The following RBFOX1 variants were observed in gnomAD, a reference collection of about 807,000 sequenced individuals.
RBFOX1 encodes the protein RNA binding protein fox-1 homolog 1.
RBFOX1 carries 8 observed loss-of-function variants against 57.7 expected under a neutral mutation model. That is an observed-to-expected ratio of 0.14 (90% confidence interval 0.08 to 0.25). The LOEUF is 0.25. Ranked by LOEUF, RBFOX1 falls within the 10% of genes least tolerant of loss-of-function variation. The probability of loss-of-function intolerance (pLI) is 1.00; values close to 1 mark genes in which losing one functional copy is unlikely to be tolerated. For synonymous variants in RBFOX1, 326 were observed against 222.4 expected (o/e 1.47, Z -4.15); for missense variants, 611 against 548.5 (o/e 1.11, Z -1.14).
chr16:5,830,646 A>G (rs1597413051), intron 3 of RBFOX1, among the ~76,000 whole-genome samples: 1 of 152,196 alleles, frequency 6.6e-6, no homozygotes, highest in Admixed American at 6.5e-5. Flanking sequence ...TGCAGCAGCT[A>G]GGATGATCTT....
At chr16:7,094,624 T>C in intron 4 of RBFOX1, among the ~76,000 whole-genome samples, 1 of 96,878 alleles carries the variant, frequency 1.0e-5, no homozygotes, top group South Asian at 4.5e-4. Context: ...GCATTTCTTT[T>C]GAAGTTTTTT....
intron 3 of RBFOX1, among the ~76,000 whole-genome samples, chr16:6,887,137 A>G (rs925448913): frequency 9.9e-5 from 15 of 152,088 alleles, no homozygotes; most frequent in Admixed American, 2.6e-4. Context: ...TTACATTGTT[A>G]TTGTTGACTC....
At chr16:7,021,419 T>C (rs1402358251) in intron 3 of RBFOX1, among the ~76,000 whole-genome samples, 1 of 146,244 alleles carries the variant, frequency 6.8e-6, no homozygotes, top group Non-Finnish European at 1.5e-5. Context: ...GTATGTTTTT[T>C]ATATATTTGT....
intron 3 of RBFOX1, among the ~76,000 whole-genome samples, chr16:6,807,984 T>G (rs1325273042): frequency 6.7e-6 from 1 of 150,226 alleles, no homozygotes; most frequent in African/African-American, 2.4e-5. Context: ...TTGTACCCTG[T>G]ATATATATAT....
At chr16:6,391,754 A>T (rs2092613212) in intron 2 of RBFOX1, among the ~76,000 whole-genome samples, 1 of 152,108 alleles carries the variant, frequency 6.6e-6, no homozygotes, top group Non-Finnish European at 1.5e-5. Context: ...GGGCAGGGAG[A>T]GAAGGAGAAG....
Position 7,407,753 on chromosome 16 carries a change from C to T in RBFOX1, c.28-110394C>T, listed in dbSNP as rs1429815582. 3.9e-5 allele frequency among the ~76,000 whole-genome samples: 6 copies of T among 152,182 alleles called. No individual in the cohort carries two copies. In the South Asian group the frequency reaches 6.2e-4, roughly 16 times the overall value. The stretch of plus-strand genomic sequence containing the variant: ...GAGACTGTGCAAGTCTTCACAGTGC[C>T]TTCTGTATCTTCATAGATTCAGTCT... On this transcript the variant is annotated intron_variant, in intron 4 of 15. Transcript: ENST00000550418.
chr16:7,040,287 G>T (rs61177865), intron 3 of RBFOX1, among the ~76,000 whole-genome samples: 7,731 of 152,138 alleles, frequency 0.051, 664 homozygotes, highest in African/African-American at 0.18. Flanking sequence ...CCAAAGTGCT[G>T]GGATTGCAGG....
At position 7,269,043 on chromosome 16, in the gene RBFOX1, C is replaced by CAAA. The variant is rs56297510; in HGVS notation, c.27+216970_27+216972dup. On this transcript the variant is annotated intron_variant, in intron 4 of 15. Transcript: ENST00000550418. ...CAGAGTGAGACTCCATCTTCCATCTCAAAAAAAAAAAAAAAAAAAAAAAAA... is the reference window on the plus strand; with the variant it reads ...CAGAGTGAGACTCCATCTTCCATCTCAAAAAAAAAAAAAAAAAAAAAAAAAAAA... 7.1e-4 allele frequency among the ~76,000 whole-genome samples: 37 copies of CAAA among 52,302 alleles called. 2 individuals are homozygous for CAAA. Among genetic ancestry groups the CAAA allele is most frequent in the Non-Finnish European group, 9.3e-4 (26 of 28,048 alleles). The allele number at this position is 52,302 out of a possible 152,430, so 34.3% of individuals were successfully genotyped here. A position where few individuals can be genotyped will look rare whatever the true frequency, so the allele number is the denominator to read the frequency against.
chr16:5,390,819 G>T (rs1399154924), intron 1 of RBFOX1, among the ~76,000 whole-genome samples: 1 of 152,170 alleles, frequency 6.6e-6, no homozygotes, highest in Non-Finnish European at 1.5e-5. Context: ...GGGCTTGAAG[G>T]ATAGTGCATG....
At chr16:7,641,975 T>A (rs36009031) in intron 11 of RBFOX1, among the ~76,000 whole-genome samples, 57,655 of 152,006 alleles carry the variant, frequency 0.38, 11,642 homozygotes, top group Middle Eastern at 0.47. Flanking sequence ...CCAAACCAGA[T>A]GTGATGGTGT....
chr16:5,339,150 A>G (rs532781545), intron 1 of RBFOX1, among the ~76,000 whole-genome samples: 1 of 152,250 alleles, frequency 6.6e-6, no homozygotes, highest in South Asian at 2.1e-4. Context: ...TTTGACCAAC[A>G]TCTCCCCAGT....
At chr16:6,715,253 A>G (rs1270093989) in intron 3 of RBFOX1, among the ~76,000 whole-genome samples, 2 of 97,844 alleles carry the variant, frequency 2.0e-5, no homozygotes, top group Non-Finnish European at 4.3e-5. Context: ...GCAATGCAGG[A>G]TAAAGTTTTA....
At chr16:5,825,876 C>T (rs2056026511) in intron 3 of RBFOX1, among the ~76,000 whole-genome samples, 2 of 107,092 alleles carry the variant, frequency 1.9e-5, no homozygotes. Flanking sequence ...GAATAATATT[C>T]CGTAATATGA....
chr16:6,082,937 C>T (rs534799405), intron 1 of RBFOX1, among the ~76,000 whole-genome samples: 1 of 152,286 alleles, frequency 6.6e-6, no homozygotes, highest in East Asian at 1.9e-4. Flanking sequence ...CCAATCACTG[C>T]TCTCAAGAGG....
At chr16:7,381,164 C>G (rs1254024564) in intron 4 of RBFOX1, among the ~76,000 whole-genome samples, 1 of 152,172 alleles carries the variant, frequency 6.6e-6, no homozygotes, top group East Asian at 1.9e-4. Context: ...TTGAACTTCT[C>G]CCACGTTAAA....
intron 3 of RBFOX1, among the ~76,000 whole-genome samples, chr16:6,795,778 GA>G (rs113767362): frequency 0.15 from 20,468 of 134,372 alleles, 1,573 homozygotes; most frequent in Admixed American, 0.24. Context: ...AATAAAAAAT[GA>G]AAAAAAAAAA....
chr16:6,114,465 A>G (rs949256336), intron 1 of RBFOX1, among the ~76,000 whole-genome samples: 5 of 152,208 alleles, frequency 3.3e-5, no homozygotes, highest in Admixed American at 1.3e-4. Flanking sequence ...CATTACTTAC[A>G]GTATAAAAAG....
chr16:6,403,570 A>G (rs2093163247), intron 2 of RBFOX1, among the ~76,000 whole-genome samples: 1 of 152,014 alleles, frequency 6.6e-6, no homozygotes, highest in South Asian at 2.1e-4. Context: ...CACTATGCTG[A>G]TCTCAAACTC....
intron 2 of RBFOX1, among the ~76,000 whole-genome samples, chr16:6,392,041 A>G (rs1434801480): frequency 1.3e-5 from 2 of 152,180 alleles, no homozygotes; most frequent in Non-Finnish European, 2.9e-5. Context: ...GGTCTATACT[A>G]AGAGGAAACC....
Sources: gnomAD v4.1 joint callset for allele counts (sites outside exome capture counted in the v4.1 genomes callset) on GRCh38, gnomAD v4.1.1 for gene constraint, MANE v1.5 for transcripts, NCBI Gene and HGNC (gene_info 2026-07-23, HGNC 2026-07-21) for gene names.